Variants in TPRG1 observed in about 807,000 individuals in gnomAD.
TPRG1 encodes tumor protein p63-regulated gene 1 protein.
A neutral mutation model predicts 29.3 loss-of-function variants in TPRG1; 29 were observed. That is an observed-to-expected ratio of 0.99 (90% confidence interval 0.74 to 1.35). The LOEUF (loss-of-function observed/expected upper bound fraction) is 1.35, where lower values mean the gene tolerates loss of function less well. Ranked by LOEUF, TPRG1 falls within the 40% of genes most tolerant of loss-of-function variation. The pLI is 0.00. For missense variants in TPRG1, 327 were observed against 335.0 expected, an observed-to-expected ratio of 0.98 and a Z score of 0.19; for synonymous variants, 130 against 116.8, an observed-to-expected ratio of 1.11 and a Z score of -0.73.
At chr3:189,163,100 G>C (rs1165264250) in intron 5 of TPRG1, among the ~76,000 whole-genome samples, 2 of 151,978 alleles carry the variant, frequency 1.3e-5, no homozygotes, top group Non-Finnish European at 2.9e-5. Flanking sequence ...GGTGAAACCT[G>C]GTCTCTACTA....
chr3:189,192,759 A>G (rs1731893629), intron 1 of TPRG1, among the ~76,000 whole-genome samples: 1 of 152,016 alleles, frequency 6.6e-6, no homozygotes, highest in African/African-American at 2.4e-5. Flanking sequence ...TCCTTTGAGT[A>G]TCTGTTCTAC....
intron 4 of TPRG1, among the ~76,000 whole-genome samples, chr3:189,044,334 C>T (rs1714823795): frequency 6.6e-6 from 1 of 152,110 alleles, no homozygotes; most frequent in South Asian, 2.1e-4. Flanking sequence ...GTGGGTGGAT[C>T]ACCTGAGGTC....
intron 1 of TPRG1, among the ~76,000 whole-genome samples, chr3:189,193,675 T>C (rs1403142176): frequency 1.3e-5 from 2 of 151,300 alleles, no homozygotes; most frequent in Admixed American, 6.6e-5. Context: ...CAGAGATTCT[T>C]CTGCTAGATC....
intron 5 of TPRG1, among the ~76,000 whole-genome samples, chr3:189,312,159 T>C (rs189975167): frequency 0.08 from 5,364 of 67,306 alleles, 466 homozygotes; most frequent in East Asian, 0.15. Flanking sequence ...CTTTCTTTCT[T>C]TCTTTCTTTC....
At chr3:189,096,870 T>C (rs1718714385), upstream of TPRG1, among the ~76,000 whole-genome samples, 1 of 152,188 alleles carries the variant, frequency 6.6e-6, no homozygotes, top group Non-Finnish European at 1.5e-5. Context: ...ATTTTAATAG[T>C]ATTTTCAGAC....
intron 4 of TPRG1, among the ~76,000 whole-genome samples, chr3:189,253,460 A>G (rs902771155): frequency 9.9e-5 from 15 of 152,196 alleles, no homozygotes; most frequent in Non-Finnish European, 1.9e-4. Flanking sequence ...ATAGTAGTCC[A>G]TGGTGTATGT....
intron 5 of TPRG1, among the ~76,000 whole-genome samples, chr3:189,166,073 A>G (rs1276449061): frequency 6.6e-6 from 1 of 152,214 alleles, no homozygotes; most frequent in East Asian, 1.9e-4. Flanking sequence ...TGAAAATTAA[A>G]CATAAACTTC....
intron 4 of TPRG1, among the ~76,000 whole-genome samples, chr3:189,263,000 A>T (rs1270483182): frequency 6.6e-6 from 1 of 152,244 alleles, no homozygotes; most frequent in South Asian, 2.1e-4. Context: ...TGAGACGTTG[A>T]GCAAAATAGA....
intron 4 of TPRG1, among the ~76,000 whole-genome samples, chr3:189,031,888 A>G (rs183328819): frequency 1.8e-3 from 277 of 152,322 alleles, no homozygotes; most frequent in African/African-American, 6.4e-3. Context: ...AATAATAAAA[A>G]TAAATAATAA....
intron 4 of TPRG1, among the ~76,000 whole-genome samples, chr3:189,258,660 C>A (rs770613285): frequency 6.6e-6 from 1 of 152,178 alleles, no homozygotes; most frequent in Non-Finnish European, 1.5e-5. Context: ...ATCTATAAGC[C>A]CCTGATTGGG....
chr3:189,207,333 G>C (rs1484886837), intron 1 of TPRG1, 43 bp from the exon 2 acceptor site: 1 of 1,605,884 alleles, frequency 6.2e-7, no homozygotes, highest in Admixed American at 1.7e-5. Flanking sequence ...CACAGGTACA[G>C]AGGTAACATT....
chr3:189,024,855 C>G (rs1242537252), intron 4 of TPRG1, among the ~76,000 whole-genome samples: 1 of 152,176 alleles, frequency 6.6e-6, no homozygotes, highest in Non-Finnish European at 1.5e-5. Context: ...CTTTCTCGTT[C>G]GGATCTTTGG....
intron 4 of TPRG1, among the ~76,000 whole-genome samples, chr3:189,266,392 T>C (rs1231560058): frequency 1.3e-5 from 2 of 152,188 alleles, no homozygotes; most frequent in Non-Finnish European, 2.9e-5. Flanking sequence ...CAGTCAGAAC[T>C]ACAGTCTGTA....
rs1346906665 is a variant in TPRG1, at chr3:189,321,587, T to G, written c.*767T>G. The G allele has an allele frequency of 6.6e-6, 1 of 152,120 alleles. No homozygotes were observed. The highest frequency in any genetic ancestry group is 1.5e-5 in the Non-Finnish European group (1 of 68,010). The allele number at this position is 152,120 out of a possible 1,614,324, so 9.4% of individuals were successfully genotyped here. Reference sequence around the variant, plus strand: ...CCATTCTTATAGCTGTATTATTAGATCAGGTTTTTAATTCTGCTCAACCAA... The same window carrying G: ...CCATTCTTATAGCTGTATTATTAGAGCAGGTTTTTAATTCTGCTCAACCAA... On this transcript the variant is annotated 3_prime_UTR_variant, in exon 6 of 6. Transcript: ENST00000345063.
At chr3:189,240,651 G>A (rs977502398) in intron 4 of TPRG1, 2 of 152,048 alleles carry the variant, frequency 1.3e-5, no homozygotes, top group African/African-American at 2.4e-5. Flanking sequence ...GAACAGCGCA[G>A]GAAAAACTTG....
At chr3:188,998,728 C>A (rs1711902294) in intron 1 of TPRG1, among the ~76,000 whole-genome samples, 1 of 152,116 alleles carries the variant, frequency 6.6e-6, no homozygotes, top group Admixed American at 6.6e-5. Flanking sequence ...CCCACAAAGG[C>A]TAATATCACA....
At chr3:189,110,328 A>G (rs1300338147) in intron 1 of TPRG1, among the ~76,000 whole-genome samples, 2 of 152,164 alleles carry the variant, frequency 1.3e-5, no homozygotes, top group Non-Finnish European at 2.9e-5. Context: ...TTTAATTTTC[A>G]TGGCTTATTT....
At chr3:189,025,366 G>A (rs768432880) in intron 4 of TPRG1, among the ~76,000 whole-genome samples, 27 of 152,124 alleles carry the variant, frequency 1.8e-4, no homozygotes, top group Non-Finnish European at 3.2e-4. Context: ...GTGGGCCACT[G>A]CCCTGCCCTG....
chr3:189,162,749 C>T (rs1727649462), intron 5 of TPRG1, among the ~76,000 whole-genome samples: 1 of 152,164 alleles, frequency 6.6e-6, no homozygotes, highest in Admixed American at 6.5e-5. Context: ...TTGCTCTATA[C>T]ATAAGATACA....
Sources: allele counts gnomAD v4.1 joint callset (sites outside exome capture counted in the v4.1 genomes callset), GRCh38; gene constraint gnomAD v4.1.1; transcripts MANE v1.5; gene names NCBI Gene and HGNC (gene_info 2026-07-23, HGNC 2026-07-21).